Variants in SLC24A2 observed in about 807,000 individuals in gnomAD.
The protein encoded by SLC24A2 is sodium/potassium/calcium exchanger 2.
In SLC24A2, 36 loss-of-function variants were observed where a neutral mutation model predicts 62.0. The ratio of observed to expected loss-of-function variants is 0.58; its 90% confidence interval spans 0.44 to 0.77. The LOEUF is 0.77. Among genes scored for constraint, SLC24A2 ranks in the 30% least tolerant of loss-of-function variants. SLC24A2 has a pLI of 0.00. For synonymous variants in SLC24A2, 358 were observed against 294.0 expected, an observed-to-expected ratio of 1.22 and a Z score of -2.23; for missense variants, 846 against 817.9, an observed-to-expected ratio of 1.03 and a Z score of -0.42.
the SLC24A2 span, among the ~76,000 whole-genome samples, chr9:20,189,893 C>T: frequency 4.6e-5 from 7 of 152,168 alleles, no homozygotes; most frequent in African/African-American, 1.4e-4. Context: ...GCTCATCTTA[C>T]CTGCCTGGAG....
chr9:20,081,588 C>T, the SLC24A2 span, among the ~76,000 whole-genome samples: 3 of 151,820 alleles, frequency 2.0e-5, no homozygotes, highest in East Asian at 1.9e-4. Context: ...ATGTAACAAA[C>T]CTGCACGTTG....
the SLC24A2 span, among the ~76,000 whole-genome samples, chr9:20,249,591 G>C: frequency 6.6e-6 from 1 of 151,232 alleles, no homozygotes; most frequent in Non-Finnish European, 1.5e-5. Flanking sequence ...TGTAGTCCCA[G>C]CTACTTGGGA....
At chr9:19,867,144 C>T in the SLC24A2 span, among the ~76,000 whole-genome samples, 2 of 152,006 alleles carry the variant, frequency 1.3e-5, no homozygotes, top group Non-Finnish European at 2.9e-5. Context: ...GACTATTATG[C>T]ATTGCATGCC....
the SLC24A2 span, among the ~76,000 whole-genome samples, chr9:20,287,404 G>A: frequency 0.015 from 2,339 of 152,242 alleles, 63 homozygotes; most frequent in African/African-American, 0.053. Context: ...CCTCACTCCT[G>A]CCCAGGTAAC....
At chr9:19,531,946 G>C (rs1050037969) in intron 8 of SLC24A2, among the ~76,000 whole-genome samples, 8 of 152,214 alleles carry the variant, frequency 5.3e-5, no homozygotes, top group Non-Finnish European at 1.2e-4. Context: ...TTTGTTATTA[G>C]ACAATATAGT....
intron 2 of SLC24A2, among the ~76,000 whole-genome samples, chr9:19,684,386 T>A (rs1255489375): frequency 2.6e-5 from 4 of 152,126 alleles, no homozygotes; most frequent in African/African-American, 9.6e-5. Context: ...GGACTCTTGA[T>A]GATGCTCTTT....
the SLC24A2 span, among the ~76,000 whole-genome samples, chr9:19,897,091 G>C: frequency 6.6e-6 from 1 of 152,192 alleles, no homozygotes; most frequent in Non-Finnish European, 1.5e-5. Context: ...AATTGATGAA[G>C]AAATTGGGGT....
intron 5 of SLC24A2, among the ~76,000 whole-genome samples, chr9:19,586,750 G>C (rs1586999451): frequency 6.6e-6 from 1 of 152,058 alleles, no homozygotes; most frequent in African/African-American, 2.4e-5. Flanking sequence ...GAGAGCTGAT[G>C]TTCTTTATCA....
At chr9:20,289,254 G>T in the SLC24A2 span, among the ~76,000 whole-genome samples, 3 of 152,248 alleles carry the variant, frequency 2.0e-5, no homozygotes, top group African/African-American at 7.2e-5. Flanking sequence ...CAGAAACATG[G>T]TAACAGTTAA....
chr9:19,985,790 A>G, the SLC24A2 span, among the ~76,000 whole-genome samples: 1 of 152,180 alleles, frequency 6.6e-6, no homozygotes, highest in Non-Finnish European at 1.5e-5. Flanking sequence ...AAGTGAACCA[A>G]TGACTTAAAC....
chr9:20,151,663 T>C, the SLC24A2 span, among the ~76,000 whole-genome samples: 1 of 151,872 alleles, frequency 6.6e-6, no homozygotes, highest in African/African-American at 2.4e-5. Context: ...AACGTGGTCT[T>C]TCTCTATGTT....
chr9:19,524,514 C>T (rs940887380), intron 9 of SLC24A2, among the ~76,000 whole-genome samples: 13 of 150,702 alleles, frequency 8.6e-5, no homozygotes, highest in Admixed American at 8.6e-4. Flanking sequence ...TATCAAATAG[C>T]ATTTATGATA....
the SLC24A2 span, among the ~76,000 whole-genome samples, chr9:20,295,036 G>GTATGTATATATATATATATATATATATA: frequency 1.4e-5 from 2 of 145,622 alleles, no homozygotes; most frequent in African/African-American, 5.0e-5. Context: ...GTGTATATAT[G>GTATGTATATATATATATATATATATATA]TATATATATA....
At chr9:20,161,757 TACACACACACAC>T in the SLC24A2 span, among the ~76,000 whole-genome samples, 10 of 147,342 alleles carry the variant, frequency 6.8e-5, no homozygotes, top group Middle Eastern at 3.6e-3. Flanking sequence ...AACATGAAGA[TACACACACACAC>T]ACACACACAC....
chr9:20,279,868 C>G, the SLC24A2 span, among the ~76,000 whole-genome samples: 113 of 152,340 alleles, frequency 7.4e-4, no homozygotes, highest in African/African-American at 2.5e-3. Context: ...GGGACACACT[C>G]TCATTGTTAT....
chr9:20,085,855 T>C, the SLC24A2 span, among the ~76,000 whole-genome samples: 1 of 152,046 alleles, frequency 6.6e-6, no homozygotes. Context: ...ACTACATTAA[T>C]TTTTTTTAAA....
chr9:19,545,700 G>A (rs1295271412), intron 8 of SLC24A2, among the ~76,000 whole-genome samples: 1 of 151,350 alleles, frequency 6.6e-6, no homozygotes, highest in Non-Finnish European at 1.5e-5. Context: ...GTGCAGTGGT[G>A]CAATCATGGC....
the SLC24A2 span, among the ~76,000 whole-genome samples, chr9:20,221,275 A>T: frequency 6.6e-6 from 1 of 152,118 alleles, no homozygotes; most frequent in Non-Finnish European, 1.5e-5. Flanking sequence ...AGAAGCAGAA[A>T]GCTAATCGTG....
At chr9:20,060,923 AT>A in the SLC24A2 span, among the ~76,000 whole-genome samples, 7 of 152,162 alleles carry the variant, frequency 4.6e-5, no homozygotes, top group African/African-American at 7.2e-5. Flanking sequence ...ATTAAAAAAA[AT>A]AATTTCATTT....
Sources: gnomAD v4.1 joint callset for allele counts (sites outside exome capture counted in the v4.1 genomes callset) on GRCh38, gnomAD v4.1.1 for gene constraint, MANE v1.5 for transcripts, NCBI Gene and HGNC (gene_info 2026-07-23, HGNC 2026-07-21) for gene names.